Variants in STK32C observed in about 807,000 individuals in gnomAD.
STK32C encodes serine/threonine-protein kinase 32C.
Under a neutral mutation model 56.5 loss-of-function variants are expected in STK32C, and 31 were observed. The ratio of observed to expected loss-of-function variants is 0.55; its 90% CI spans 0.41 to 0.74. The LOEUF (loss-of-function observed/expected upper bound fraction) is 0.74. STK32C is among the 30% of genes least tolerant of loss of function. The probability of loss-of-function intolerance (pLI) is 0.00; values close to 1 mark genes in which losing one functional copy is unlikely to be tolerated. For synonymous variants in STK32C, 309 were observed against 289.4 expected (o/e 1.07, Z -0.69); for missense variants, 544 against 676.9 (o/e 0.80, Z 2.18).
At chr10:132,211,582 G>C (rs562753286) in intron 10 of STK32C, among the ~76,000 whole-genome samples, 4 of 152,330 alleles carry the variant, frequency 2.6e-5, no homozygotes, top group African/African-American at 9.6e-5. Flanking sequence ...CAAGGTGTGT[G>C]TAGCGCCGCC....
chr10:132,325,863 C>G (rs371718512), intron 1 of STK32C, among the ~76,000 whole-genome samples: 2 of 151,626 alleles, frequency 1.3e-5, no homozygotes, highest in Non-Finnish European at 2.9e-5. Flanking sequence ...CTGGGACTAT[C>G]GGAGTCTGCA....
intron 8 of STK32C, 93 bp from the exon 9 acceptor site, chr10:132,223,079 T>A: frequency 6.8e-7 from 1 of 1,465,212 alleles, no homozygotes. Flanking sequence ...TTGAGGAGGG[T>A]CCCACCAAGC....
chr10:132,305,276 G>T (rs959744360), intron 1 of STK32C, among the ~76,000 whole-genome samples: 1 of 152,226 alleles, frequency 6.6e-6, no homozygotes, highest in African/African-American at 2.4e-5. Context: ...TTAGGAAAAT[G>T]GTTCTGGAGT....
intron 10 of STK32C, among the ~76,000 whole-genome samples, chr10:132,218,549 C>T (rs780361768): frequency 5.9e-5 from 9 of 152,070 alleles, no homozygotes; most frequent in Non-Finnish European, 1.2e-4. Context: ...CAGACAATAA[C>T]AGGACTTGGT....
Position 132,225,800 on chromosome 10 carries a change from A to T in STK32C, c.645-16T>A. 1 of 1,613,816 alleles carries T rather than the reference A, an allele frequency of 6.2e-7. No individual in the cohort carries two copies. The highest frequency in any genetic ancestry group is 8.5e-7 in the Non-Finnish European group (1 of 1,179,998). On this transcript the variant is annotated splice_polypyrimidine_tract_variant and intron_variant, in intron 4 of 11. Transcript: ENST00000298630. ...CTTGACATCTCTAGAAAGAGCAGAAAGTGGGAAGGTGAGTTGGGAATCTGC... is the reference window on the plus strand; with the variant it reads ...CTTGACATCTCTAGAAAGAGCAGAATGTGGGAAGGTGAGTTGGGAATCTGC...
chr10:132,222,013 G>A (rs574883632), intron 10 of STK32C, among the ~76,000 whole-genome samples: 4 of 136,780 alleles, frequency 2.9e-5, no homozygotes, highest in East Asian at 2.3e-4. Flanking sequence ...TGACATCAAC[G>A]CACCTGGGTG....
chr10:132,277,972 C>A (rs892321009), intron 1 of STK32C, among the ~76,000 whole-genome samples: 11 of 152,206 alleles, frequency 7.2e-5, no homozygotes, highest in Non-Finnish European at 1.3e-4. Context: ...CTGTTGATGG[C>A]AGAAGGCAGC....
chr10:132,311,726 A>T (rs112403916), upstream of STK32C, among the ~76,000 whole-genome samples: 723 of 152,306 alleles, frequency 4.7e-3, 6 homozygotes, highest in Non-Finnish European at 8.0e-3. The surrounding 1 kb of genome is among the most constrained non-coding windows in gnomAD (Gnocchi z 4.4). Context: ...TTGCCTTTTC[A>T]TCTGTCTACT....
upstream of STK32C, chr10:132,332,088 A>C: frequency 2.7e-5 from 6 of 220,740 alleles, no homozygotes; most frequent in Non-Finnish European, 3.5e-5. Flanking sequence ...CAGGCGCACC[A>C]CACCCCTCGC....
intron 1 of STK32C, among the ~76,000 whole-genome samples, chr10:132,261,355 C>T (rs543912076): frequency 1.3e-5 from 2 of 152,272 alleles, no homozygotes; most frequent in South Asian, 4.1e-4. Flanking sequence ...AAGCTGAGAA[C>T]CAAATCAAGA....
intron 2 of STK32C, among the ~76,000 whole-genome samples, chr10:132,231,673 C>T (rs2063104784): frequency 1.3e-5 from 2 of 152,182 alleles, no homozygotes; most frequent in South Asian, 4.1e-4. Context: ...TCTGGAGGTC[C>T]TGAATTGGGA....
At chr10:132,311,283 T>C (rs540006259), upstream of STK32C, among the ~76,000 whole-genome samples, 1 of 152,354 alleles carries the variant, frequency 6.6e-6, no homozygotes, top group South Asian at 2.1e-4. This position sits in a 1 kb window ranked among gnomAD's most constrained non-coding sequence, Gnocchi z 4.4. Context: ...GTGTGCTGTT[T>C]CCTGCTGGAA....
intron 1 of STK32C, among the ~76,000 whole-genome samples, chr10:132,298,281 C>T (rs764672745): frequency 7.8e-4 from 119 of 152,346 alleles, no homozygotes; most frequent in Non-Finnish European, 3.4e-4. Context: ...CAAAGTGACA[C>T]GGTGCCAGCC....
intron 1 of STK32C, among the ~76,000 whole-genome samples, chr10:132,277,133 G>A (rs867483446): frequency 1.3e-5 from 2 of 152,364 alleles, no homozygotes; most frequent in African/African-American, 2.4e-5. Flanking sequence ...CAGAAGAGCC[G>A]AGCAGGGCCA....
chr10:132,283,279 G>T (rs114618812), intron 1 of STK32C, among the ~76,000 whole-genome samples: 7,053 of 152,354 alleles, frequency 0.046, 217 homozygotes, highest in Non-Finnish European at 0.054. Context: ...AGTGGCTTTG[G>T]GGATGACTGT....
At chr10:132,313,571 C>G (rs747987507) in intron 1 of STK32C, among the ~76,000 whole-genome samples, 2 of 152,208 alleles carry the variant, frequency 1.3e-5, no homozygotes, top group African/African-American at 2.4e-5. Flanking sequence ...GATGCCAGTC[C>G]TGACAGAGCA....
Position 132,307,900 on chromosome 10 carries a change from C to T in STK32C, c.-67G>A. 1.8e-6 allele frequency: 2 copies of T among 1,124,254 alleles called. No individual in the cohort carries two copies. The highest frequency in any genetic ancestry group is 9.2e-5 in the East Asian group (1 of 10,862). 69.6% of individuals were successfully genotyped at this position (1,124,254 alleles called of 1,614,324 possible). On this transcript the variant is annotated 5_prime_UTR_variant, in exon 1 of 12. Coordinates refer to ENST00000298630, the MANE Select transcript of STK32C (RefSeq NM_173575.4). This position sits in a 1 kb window ranked among gnomAD's most constrained non-coding sequence, Gnocchi z 4.4. ...GGCCGGCCGGCAGGGCCGGGAGCGG[C>T]AGTGGTAGCGGGAGCGCTCGGGGCC... is the stretch of plus-strand genomic sequence containing the variant.
At chr10:132,232,416 G>A (rs1227168007) in intron 2 of STK32C, among the ~76,000 whole-genome samples, 3 of 152,178 alleles carry the variant, frequency 2.0e-5, no homozygotes, top group Admixed American at 6.5e-5. Flanking sequence ...GAGCGGTGGC[G>A]TAAAGCCCTG....
At chr10:132,208,927 C>G (rs1477683648) in intron 11 of STK32C, 107 bp downstream of exon 11, 6 of 1,031,936 alleles carry the variant, frequency 5.8e-6, no homozygotes, top group Admixed American at 4.1e-5. Flanking sequence ...AGCAGGGCCA[C>G]GCACCCCAGG....
Sources: allele counts gnomAD v4.1 joint callset (sites outside exome capture counted in the v4.1 genomes callset), GRCh38; gene constraint gnomAD v4.1.1; non-coding constraint Gnocchi (gnomAD v3.1); transcripts MANE v1.5; gene names NCBI Gene and HGNC (gene_info 2026-07-23, HGNC 2026-07-21).